The following ERI1 variants were observed in gnomAD, a reference collection of about 807,000 sequenced individuals.
ERI1 encodes the protein exoribonuclease 1.
A neutral mutation model predicts 39.7 loss-of-function variants in ERI1; 39 were observed. That is an observed-to-expected ratio of 0.98 (90% CI 0.76 to 1.28). The LOEUF is 1.28. ERI1 is among the 50% of genes most tolerant of loss of function. The pLI is 0.00. For missense variants in ERI1, 581 were observed against 416.9 expected, an observed-to-expected ratio of 1.39 and a Z score of -3.43; for synonymous variants, 204 against 149.6, an observed-to-expected ratio of 1.36 and a Z score of -2.65.
chr8:9,056,679 A>G (rs1478872740), intron 3 of ERI1, among the ~76,000 whole-genome samples: 2 of 152,148 alleles, frequency 1.3e-5, no homozygotes, highest in South Asian at 2.1e-4. Context: ...TGCCAGCACT[A>G]TTATAGTTTT....
rs139240523 is a variant in ERI1, at chr8:9,092,336, A to G, written n.300-24012A>G. ...AGACCCTTATTTGGAGAGGATTTGG[A>G]GGGGTGTTGGCTTCTCGTTCTGTTC... On this transcript the variant is annotated intron_variant and non_coding_transcript_variant, in intron 3 of 3. Coordinates refer to the ERI1 transcript ENST00000518663. Among the ~76,000 whole-genome samples, 73 of 152,194 alleles carry G rather than the reference A, an allele frequency of 4.8e-4. No homozygotes were observed. In the East Asian group the frequency reaches 0.01, roughly 21 times the overall value.
rs187695657 is a variant in ERI1, at chr8:9,053,438, C to T, written n.299+32974C>T. 7.6e-3 allele frequency among the ~76,000 whole-genome samples: 1,162 copies of T among 152,198 alleles called. 15 individuals carry two copies. The highest frequency in any genetic ancestry group is 0.027 in the African/African-American group (1,121 of 41,514). On this transcript the variant is annotated intron_variant and non_coding_transcript_variant, in intron 3 of 3. Coordinates refer to the ERI1 transcript ENST00000518663. ...ATGATGTGCTGGGAGGATGGCATGCCCAGAGAGGGAATGGAAGCTCCACAG... is the reference window on the plus strand; with the variant it reads ...ATGATGTGCTGGGAGGATGGCATGCTCAGAGAGGGAATGGAAGCTCCACAG...
Position 9,020,472 on chromosome 8 carries a change from T to G in ERI1, c.807+8T>G. The stretch of plus-strand genomic sequence containing the variant: ...TATGGAAATTTTTACAAGGTAAAAT[T>G]TCTATATTTAATAATTACGTGGTTC... On this transcript the variant is annotated splice_region_variant and intron_variant, in intron 6 of 6. Transcript: ENST00000250263. 2 of 1,513,038 alleles carry G rather than the reference T, an allele frequency of 1.3e-6. No individual in the cohort carries two copies. The highest frequency in any genetic ancestry group is 1.8e-6 in the Non-Finnish European group (2 of 1,103,660). 93.7% of individuals were successfully genotyped at this position (1,513,038 alleles called of 1,614,324 possible). A position where few individuals can be genotyped will look rare whatever the true frequency, so the allele number is the denominator to read the frequency against.
chr8:9,051,207 A>G (rs1460383873), intron 3 of ERI1, among the ~76,000 whole-genome samples: 2 of 151,832 alleles, frequency 1.3e-5, no homozygotes, highest in African/African-American at 2.4e-5. Flanking sequence ...TTTATTTCTT[A>G]CAGTATGGTG....
intron 3 of ERI1, among the ~76,000 whole-genome samples, chr8:9,046,093 A>G (rs1265065626): frequency 6.6e-6 from 1 of 152,204 alleles, no homozygotes; most frequent in Non-Finnish European, 1.5e-5. Flanking sequence ...AAGAAAACAA[A>G]TTCCCACAGG....
At chr8:9,044,656 C>G (rs570013237) in intron 3 of ERI1, among the ~76,000 whole-genome samples, 2 of 152,016 alleles carry the variant, frequency 1.3e-5, no homozygotes, top group African/African-American at 4.8e-5. Context: ...CCTTGAAGAA[C>G]AAATCATGAC....
intron 3 of ERI1, among the ~76,000 whole-genome samples, chr8:9,096,187 TTGAA>T (rs1292663664): frequency 6.6e-6 from 1 of 152,242 alleles, no homozygotes; most frequent in Non-Finnish European, 1.5e-5. Flanking sequence ...GGCTTTAGCC[TTGAA>T]TGAAAAGTCA....
At chr8:9,035,667 A>G (rs1223341855), downstream of ERI1, among the ~76,000 whole-genome samples, 5 of 152,232 alleles carry the variant, frequency 3.3e-5, no homozygotes, top group Non-Finnish European at 5.9e-5. Flanking sequence ...TTTAATGCCT[A>G]CAAACACAAT....
chr8:9,062,131 C>G (rs996978316), intron 3 of ERI1, among the ~76,000 whole-genome samples: 4 of 152,096 alleles, frequency 2.6e-5, no homozygotes, highest in Non-Finnish European at 5.9e-5. Context: ...CATGTTGTAG[C>G]AGGTGAGGGA....
intron 4 of ERI1, among the ~76,000 whole-genome samples, chr8:9,018,011 C>A (rs1023277419): frequency 1.8e-4 from 28 of 152,112 alleles, no homozygotes; most frequent in African/African-American, 6.8e-4. Flanking sequence ...ATCCAGTAAG[C>A]CGCTAGGTTC....
chr8:9,037,915 T>C (rs1391518825), downstream of ERI1, among the ~76,000 whole-genome samples: 1 of 148,824 alleles, frequency 6.7e-6, no homozygotes, highest in Non-Finnish European at 1.5e-5. Context: ...AAAAATCTGC[T>C]CCAAGTATCT....
At chr8:9,072,568 C>T (rs1198110760) in intron 3 of ERI1, 1 of 152,032 alleles carries the variant, frequency 6.6e-6, no homozygotes, top group Admixed American at 6.5e-5. Flanking sequence ...ATCCTTCCGT[C>T]GCCGCCTCTA....
intron 3 of ERI1, among the ~76,000 whole-genome samples, chr8:9,014,924 G>A (rs1431114386): frequency 6.6e-6 from 1 of 152,196 alleles, no homozygotes; most frequent in African/African-American, 2.4e-5. Context: ...TGCAACCTCT[G>A]CCTCCTGGGT....
intron 3 of ERI1, among the ~76,000 whole-genome samples, chr8:9,040,327 A>G (rs1426459446): frequency 6.6e-6 from 1 of 152,186 alleles, no homozygotes; most frequent in African/African-American, 2.4e-5. Flanking sequence ...GGAAGTTTAG[A>G]ACGGGGAAAG....
At position 9,016,310 on chromosome 8, in the gene ERI1, C is replaced by T. The variant is rs772143919; in HGVS notation, c.499-12C>T. ...ATATAAATTACTTTAACTTGCTATC[C>T]TTCCCTTGCAGGAAGACACGTTTCA... On this transcript the variant is annotated splice_polypyrimidine_tract_variant and intron_variant, in intron 3 of 6. Coordinates refer to ENST00000250263, the MANE Select transcript of ERI1 (RefSeq NM_153332.4). 5.1e-6 allele frequency: 8 copies of T among 1,567,640 alleles called. No individual in the cohort carries two copies. The Admixed American group carries it at 5.5e-5, about 11-fold the overall frequency.
chr8:9,083,787 C>G (rs1419496996), intron 3 of ERI1, among the ~76,000 whole-genome samples: 1 of 151,920 alleles, frequency 6.6e-6, no homozygotes, highest in Admixed American at 6.5e-5. Context: ...GACCCTGTCT[C>G]TATGATTTTT....
rs531569246 is a variant in ERI1 at position 9,061,930 on chromosome 8, C to T, written n.299+41466C>T. 3.3e-3 allele frequency among the ~76,000 whole-genome samples: 497 copies of T among 151,826 alleles called. 3 individuals carry two copies. Among genetic ancestry groups the T allele is most frequent in the African/African-American group, 0.011 (468 of 41,266 alleles). On this transcript the variant is annotated intron_variant and non_coding_transcript_variant, in intron 3 of 3. Coordinates refer to the ERI1 transcript ENST00000518663. ...ATAGTAAAGAAAGCATGTTTGAGAT[C>T]CAGAACAGAATAATGGATTGTGGAG... is the stretch of plus-strand genomic sequence containing the variant.
rs59051834 is a variant in ERI1 at position 9,060,287 on chromosome 8, T to G, written n.299+39823T>G. ...GGAAGAAATGACCGCGGTGGCCTTC[T>G]CAGACCCTGTGAGAAAGACCTCTAC... On this transcript the variant is annotated intron_variant and non_coding_transcript_variant, in intron 3 of 3. Coordinates refer to the ERI1 transcript ENST00000518663. Among the ~76,000 whole-genome samples, 193 of 152,266 alleles carry G rather than the reference T, an allele frequency of 1.3e-3. 4 individuals carry two copies. The East Asian group carries it at 0.036, about 29-fold the overall frequency.
chr8:9,020,631 T>C (rs1817783649), intron 6 of ERI1, among the ~76,000 whole-genome samples, 167 bp downstream of exon 6: 1 of 152,172 alleles, frequency 6.6e-6, no homozygotes, highest in African/African-American at 2.4e-5. Flanking sequence ...AGATAAGCCT[T>C]TTTCTCATTC....
Sources: gnomAD v4.1 joint callset for allele counts (sites outside exome capture counted in the v4.1 genomes callset) on GRCh38, gnomAD v4.1.1 for gene constraint, MANE v1.5 for transcripts, NCBI Gene and HGNC (gene_info 2026-07-23, HGNC 2026-07-21) for gene names.